GPR158: variants seen among roughly 807,000 people sequenced by gnomAD.
GPR158 encodes the protein G protein-coupled receptor 158, also known as metabotropic glycine receptor.
A neutral mutation model predicts 78.2 loss-of-function variants in GPR158; 30 were observed. That is an observed-to-expected ratio of 0.38 (90% confidence interval 0.29 to 0.52). GPR158 has a LOEUF of 0.52. GPR158 is among the 20% of genes least tolerant of loss of function. The pLI is 0.83. For synonymous variants in GPR158, 581 were observed against 591.1 expected, an observed-to-expected ratio of 0.98 and a Z score of 0.25; for missense variants, 1,463 against 1,523.5, an observed-to-expected ratio of 0.96 and a Z score of 0.66.
Position 25,209,082 on chromosome 10 carries a change from C to T in GPR158, c.903-11970C>T, listed in dbSNP as rs143559392. Among the ~76,000 whole-genome samples, 635 of 152,184 alleles carry T rather than the reference C, an allele frequency of 4.2e-3. 5 individuals carry two copies. Among genetic ancestry groups the T allele is most frequent in the African/African-American group, 0.013 (557 of 41,530 alleles). The stretch of plus-strand genomic sequence containing the variant: ...TATTGGCCAGGCTAGTCTTGAACTC[C>T]TGACCTCTGATCCGCCCACCTCAGC... On this transcript the variant is annotated intron_variant, in intron 1 of 10. Coordinates refer to ENST00000376351, the MANE Select transcript of GPR158 (RefSeq NM_020752.3).
At chr10:25,342,618 GA>G (rs199852142) in intron 2 of GPR158, among the ~76,000 whole-genome samples, 1 of 151,656 alleles carries the variant, frequency 6.6e-6, no homozygotes, top group Non-Finnish European at 1.5e-5. Context: ...ATATGCTTGG[GA>G]AAAAAATGTA....
intron 5 of GPR158, among the ~76,000 whole-genome samples, chr10:25,495,295 CT>C (rs71399976): frequency 3.2e-4 from 29 of 91,100 alleles, no homozygotes; most frequent in Middle Eastern, 0.012. Flanking sequence ...TTCTTTTCTG[CT>C]TTTTTTTTTT....
chr10:25,576,987 A>AAG (rs10665400), intron 7 of GPR158, among the ~76,000 whole-genome samples: 1 of 144,510 alleles, frequency 6.9e-6, no homozygotes, highest in Non-Finnish European at 1.5e-5. Flanking sequence ...AAAAAAAAAA[A>AAG]GTCAGGGCAC....
At chr10:25,421,299 C>A (rs1194517931) in intron 4 of GPR158, among the ~76,000 whole-genome samples, 1 of 152,116 alleles carries the variant, frequency 6.6e-6, no homozygotes, top group Non-Finnish European at 1.5e-5. Context: ...CAATGAATAT[C>A]AAGTCTATGA....
intron 1 of GPR158, among the ~76,000 whole-genome samples, chr10:25,192,429 T>G (rs1852784722): frequency 6.6e-6 from 1 of 152,164 alleles, no homozygotes; most frequent in Non-Finnish European, 1.5e-5. Flanking sequence ...ACCTTGCCTA[T>G]TTCAGAAAAA....
In GPR158 at chr10:25,436,632, T is replaced by C. The variant is rs560463339; in HGVS notation, c.1335+24159T>C. ...GGAAAATCCAGCCAACTATCAGGGA[T>C]ACTACTGCGTGATGGAATAAAATGT... On this transcript the variant is annotated intron_variant, in intron 4 of 10. Coordinates refer to ENST00000376351, the MANE Select transcript of GPR158 (RefSeq NM_020752.3). Among the ~76,000 whole-genome samples, 106 of 152,324 alleles carry C rather than the reference T, an allele frequency of 7.0e-4. 1 individual carries two copies. The highest frequency in any genetic ancestry group is 2.4e-3 in the African/African-American group (99 of 41,574).
At chr10:25,580,695 C>A (rs1309061304) in intron 7 of GPR158, among the ~76,000 whole-genome samples, 1 of 152,056 alleles carries the variant, frequency 6.6e-6, no homozygotes, top group Non-Finnish European at 1.5e-5. Flanking sequence ...ATGCACACTG[C>A]ATTACTTGTT....
intron 1 of GPR158, among the ~76,000 whole-genome samples, chr10:25,215,388 T>C (rs1227020717): frequency 4.6e-5 from 7 of 152,212 alleles, no homozygotes; most frequent in Non-Finnish European, 8.8e-5. Context: ...TAGGGATTTG[T>C]CATTTAAAGG....
chr10:25,508,623 A>C (rs1836044935), intron 5 of GPR158, among the ~76,000 whole-genome samples: 3 of 152,136 alleles, frequency 2.0e-5, no homozygotes, highest in Non-Finnish European at 2.9e-5. Context: ...TCTCCTGTCC[A>C]ATCAGAGTTG....
intron 2 of GPR158, among the ~76,000 whole-genome samples, chr10:25,267,191 A>C (rs150020215): frequency 2.5e-3 from 378 of 152,314 alleles, no homozygotes; most frequent in Admixed American, 9.9e-3. Context: ...GCTGCTAATA[A>C]AGACATACCC....
In GPR158 at chr10:25,598,696, A is replaced by G; in HGVS notation, c.3070A>G (p.Lys1024Glu). Residue 1024 changes from lysine (K) to glutamate (E), a missense_variant, in exon 11 of 11, where the codon AAA becomes GAA. Coordinates refer to ENST00000376351, the MANE Select transcript of GPR158 (RefSeq NM_020752.3). ...CCCTGGTCCTGTGCCTTCAGAATCA[A>G]AAGTTCAAAAGCACGTATCTATTGT... is the stretch of plus-strand genomic sequence containing the variant. ...LTPGPVPSES[K>E]VQKHVSIVAS... 2 of 1,613,982 alleles carry G rather than the reference A, an allele frequency of 1.2e-6. No individual in the cohort carries two copies. The highest frequency in any genetic ancestry group is 2.2e-5 in the East Asian group (1 of 44,836).
At chr10:25,245,211 C>G (rs1483715580) in intron 2 of GPR158, among the ~76,000 whole-genome samples, 10 of 152,144 alleles carry the variant, frequency 6.6e-5, no homozygotes, top group Admixed American at 6.6e-4. Context: ...AAGGAGGAGC[C>G]CAACAGGGGA....
Position 25,598,892 on chromosome 10 carries a change from T to G in GPR158, c.3266T>G (p.Ile1089Ser). The G allele has an allele frequency of 6.2e-7, 1 of 1,613,996 alleles. No individual in the cohort carries two copies. The highest frequency in any genetic ancestry group is 8.5e-7 in the Non-Finnish European group (1 of 1,179,986). ...QSILEDEKLLISKTPVLPERA... is the reference protein window; with the variant it reads ...QSILEDEKLLSSKTPVLPERA... ...ATTTTGGAAGATGAGAAGCTTTTGATTTCCAAGACTCCAGTTCTCCCAGAG... is the reference window on the plus strand; with the variant it reads ...ATTTTGGAAGATGAGAAGCTTTTGAGTTCCAAGACTCCAGTTCTCCCAGAG... The change falls in exon 11 of 11, where the codon ATT becomes AGT. Residue 1089 changes from isoleucine to serine, a missense_variant. Coordinates refer to ENST00000376351, the MANE Select transcript of GPR158 (RefSeq NM_020752.3).
rs79810941 is a variant in GPR158 at position 25,367,379 on chromosome 10, A to G, written c.1009-28532A>G. ...CTTATGTCAATACTACATTATTATAATTACTGTTGCCTTACAAAAAGTTTC... is the reference window on the plus strand; with the variant it reads ...CTTATGTCAATACTACATTATTATAGTTACTGTTGCCTTACAAAAAGTTTC... On this transcript the variant is annotated intron_variant, in intron 2 of 10. Transcript: ENST00000376351. 2.6e-3 allele frequency among the ~76,000 whole-genome samples: 391 copies of G among 151,830 alleles called. 2 individuals are homozygous for G. Among genetic ancestry groups the G allele is most frequent in the African/African-American group, 8.8e-3 (364 of 41,512 alleles).
At chr10:25,237,028 A>T (rs1461791907) in intron 2 of GPR158, among the ~76,000 whole-genome samples, 1 of 152,170 alleles carries the variant, frequency 6.6e-6, no homozygotes, top group Non-Finnish European at 1.5e-5. Flanking sequence ...ATTAATATAG[A>T]TTACCTATCA....
At chr10:25,407,239 T>C (rs1243730411) in intron 3 of GPR158, among the ~76,000 whole-genome samples, 1 of 152,190 alleles carries the variant, frequency 6.6e-6, no homozygotes, top group African/African-American at 2.4e-5. Flanking sequence ...AAAATGTTAT[T>C]TTATTTTCTG....
chr10:25,431,888 A>G lies in GPR158; in HGVS notation c.1335+19415A>G, dbSNP rs1228683371. Among the ~76,000 whole-genome samples the G allele has an allele frequency of 5.9e-5, 9 of 152,242 alleles. No homozygotes were observed. In the East Asian group the frequency reaches 1.7e-3, roughly 29 times the overall value. On this transcript the variant is annotated intron_variant, in intron 4 of 10. Coordinates refer to ENST00000376351, the MANE Select transcript of GPR158 (RefSeq NM_020752.3). ...GTTGGGGGAGGGATAGCTTTAGGAG[A>G]TATACCTAATGCTAAATGACGAGTT...
intron 7 of GPR158, among the ~76,000 whole-genome samples, chr10:25,577,451 T>G (rs1837118193): frequency 6.6e-6 from 1 of 152,198 alleles, no homozygotes; most frequent in Non-Finnish European, 1.5e-5. Context: ...AAAGTGATGG[T>G]TAAATATGTT....
intron 2 of GPR158, among the ~76,000 whole-genome samples, chr10:25,283,039 GT>G (rs1462542085): frequency 8.6e-5 from 13 of 151,984 alleles, no homozygotes; most frequent in African/African-American, 3.1e-4. Flanking sequence ...CTGGGGAAGT[GT>G]TTTATCCCTT....
Sources: gnomAD v4.1 joint callset for allele counts (sites outside exome capture counted in the v4.1 genomes callset) on GRCh38, gnomAD v4.1.1 for gene constraint, MANE v1.5 for transcripts, NCBI Gene and HGNC (gene_info 2026-07-23, HGNC 2026-07-21) for gene names.